Variants in JAK1 observed in about 807,000 individuals in gnomAD.
The protein encoded by JAK1 is Janus kinase 1, also known as tyrosine-protein kinase JAK1.
A neutral mutation model predicts 136.6 loss-of-function variants in JAK1; 16 were observed. The ratio of observed to expected loss-of-function variants is 0.12; its 90% CI spans 0.08 to 0.18. The LOEUF (loss-of-function observed/expected upper bound fraction) is 0.18. Among genes scored for constraint, JAK1 ranks in the 10% least tolerant of loss-of-function variants. The pLI, the probability that JAK1 is intolerant of heterozygous loss-of-function variation, is 1.00. For missense variants in JAK1, 859 were observed against 1,450.1 expected (o/e 0.59, Z 6.62); for synonymous variants, 492 against 519.5 (o/e 0.95, Z 0.72).
chr1:65,030,842 A>G (rs538276245), intron 2 of JAK1, among the ~76,000 whole-genome samples: 4 of 152,096 alleles, frequency 2.6e-5, no homozygotes, highest in Non-Finnish European at 5.9e-5. Flanking sequence ...TCAGTGACCA[A>G]TTGTTTTTTA....
In JAK1 at chr1:64,844,561, G is replaced by C. The variant is rs575095441; in HGVS notation, c.2251+193C>G. ...CATCACCCAGGGCAGGAGGACGAAC[G>C]GGGGCTCGTTCAAGGACTTAAGAGA... On this transcript the variant is annotated intron_variant, in intron 16 of 24. Coordinates refer to ENST00000342505, the MANE Select transcript of JAK1 (RefSeq NM_002227.4). The surrounding 1 kb of genome is among the most constrained non-coding windows in gnomAD (Gnocchi z 5.7). Among the ~76,000 whole-genome samples, 2 of 152,128 alleles carry C rather than the reference G, an allele frequency of 1.3e-5. No individual in the cohort carries two copies. The highest frequency in any genetic ancestry group is 2.9e-5 in the Non-Finnish European group (2 of 68,024).
intron 1 of JAK1, chr1:64,918,673 T>C: frequency 5.3e-6 from 1 of 187,260 alleles, no homozygotes; most frequent in Non-Finnish European, 1.1e-5. Flanking sequence ...AGAAAGATGG[T>C]CCAGATTTCT....
intron 1 of JAK1, among the ~76,000 whole-genome samples, chr1:65,049,011 T>G (rs1021997542): frequency 2.6e-5 from 4 of 152,218 alleles, no homozygotes; most frequent in African/African-American, 9.7e-5. Context: ...CAACGGGATC[T>G]ATTTCTAGAA....
chr1:65,023,949 G>C (rs1031265938), intron 2 of JAK1, among the ~76,000 whole-genome samples: 1 of 136,394 alleles, frequency 7.3e-6, no homozygotes, highest in Non-Finnish European at 1.5e-5. Flanking sequence ...CCAGTGGCTC[G>C]TTCCTTTTAT....
intron 1 of JAK1, among the ~76,000 whole-genome samples, chr1:64,917,121 C>G (rs1256145168): frequency 6.6e-6 from 1 of 151,752 alleles, no homozygotes; most frequent in East Asian, 1.9e-4. Flanking sequence ...ACATTGGAAA[C>G]AAGGGTCTAT....
At chr1:64,881,261 C>G (rs899746852) in intron 3 of JAK1, among the ~76,000 whole-genome samples, 2 of 125,858 alleles carry the variant, frequency 1.6e-5, no homozygotes, top group Non-Finnish European at 3.5e-5. Context: ...GACCCCATCT[C>G]TAAAAAATAT....
chr1:64,935,402 C>T (rs879903586), intron 1 of JAK1, among the ~76,000 whole-genome samples: 3 of 152,152 alleles, frequency 2.0e-5, no homozygotes, highest in South Asian at 4.1e-4. Context: ...CGGGTTCAAG[C>T]GATTCTCCTG....
intron 13 of JAK1, 116 bp downstream of exon 13, chr1:64,847,416 G>T: frequency 1.6e-6 from 2 of 1,270,898 alleles, no homozygotes; most frequent in South Asian, 1.3e-5. Context: ...TGAGTAAAAG[G>T]CAAGTTTGAA....
intron 2 of JAK1, among the ~76,000 whole-genome samples, chr1:64,980,953 T>G (rs1646540079): frequency 6.6e-6 from 1 of 152,218 alleles, no homozygotes; most frequent in African/African-American, 2.4e-5. Context: ...ATGTGCCACA[T>G]TTTCTTAATC....
chr1:64,837,997 G>C lies in JAK1; in HGVS notation c.3075C>G (p.Thr1025=). ...HQVKIGDFGL[T]KAIETDKEYY... ...ACTCCTTATCGGTTTCAATTGCTTT[G>C]GTTAAACCGAAGTCTCCAATTTTCA... The change falls in exon 22 of 25, where the codon ACC becomes ACG. Residue 1025 remains threonine, a synonymous_variant. Coordinates refer to ENST00000342505, the MANE Select transcript of JAK1 (RefSeq NM_002227.4). 1 of 1,614,084 alleles carries C rather than the reference G, an allele frequency of 6.2e-7. No individual in the cohort carries two copies. Among genetic ancestry groups the C allele is most frequent in the Non-Finnish European group, 8.5e-7 (1 of 1,179,980 alleles).
At chr1:64,847,901 C>T (rs549262562) in intron 12 of JAK1, among the ~76,000 whole-genome samples, 82 of 152,244 alleles carry the variant, frequency 5.4e-4, no homozygotes, top group African/African-American at 1.8e-3. Flanking sequence ...CCTCCTACTC[C>T]CTAAACGGCT....
chr1:64,982,417 C>T (rs1319428949), intron 2 of JAK1, among the ~76,000 whole-genome samples: 2 of 152,218 alleles, frequency 1.3e-5, no homozygotes, highest in African/African-American at 4.8e-5. Flanking sequence ...ATTGGCACCA[C>T]CATCCATATT....
chr1:65,032,241 C>T (rs911143862), intron 2 of JAK1, among the ~76,000 whole-genome samples: 1 of 152,218 alleles, frequency 6.6e-6, no homozygotes, highest in East Asian at 1.9e-4. Flanking sequence ...GCTGGGATTA[C>T]AGGCGTGAGC....
intron 2 of JAK1, among the ~76,000 whole-genome samples, chr1:65,044,146 T>G (rs1253382791): frequency 6.6e-6 from 1 of 152,184 alleles, no homozygotes. Context: ...TGTAAACCAC[T>G]GTGCCCAGCC....
At chr1:64,983,001 C>T (rs962607709) in intron 2 of JAK1, among the ~76,000 whole-genome samples, 59 of 152,014 alleles carry the variant, frequency 3.9e-4, no homozygotes, top group Admixed American at 1.9e-3. Flanking sequence ...CATTTTTATT[C>T]GACGCCTCAA....
chr1:64,952,180 G>C (rs1481806353), intron 1 of JAK1, among the ~76,000 whole-genome samples: 2 of 152,176 alleles, frequency 1.3e-5, no homozygotes, highest in Non-Finnish European at 1.5e-5. Context: ...CATCTCAAAA[G>C]CAGGAGTGTG....
intron 1 of JAK1, among the ~76,000 whole-genome samples, chr1:65,045,606 T>C (rs1037911563): frequency 6.6e-6 from 1 of 152,206 alleles, no homozygotes; most frequent in African/African-American, 2.4e-5. Context: ...GCAATGGTGA[T>C]GATGACAGTG....
chr1:64,890,974 T>C (rs1214700834), intron 1 of JAK1, among the ~76,000 whole-genome samples: 1 of 152,158 alleles, frequency 6.6e-6, no homozygotes, highest in Non-Finnish European at 1.5e-5. Context: ...ATGTTCTTGG[T>C]GTAAGTGGGG....
At chr1:65,041,290 C>T (rs1008831626) in intron 2 of JAK1, among the ~76,000 whole-genome samples, 4 of 152,138 alleles carry the variant, frequency 2.6e-5, no homozygotes, top group African/African-American at 9.7e-5. Flanking sequence ...TTCTCATTTC[C>T]CCAGGCTGAA....
Sources: gnomAD v4.1 joint callset for allele counts (sites outside exome capture counted in the v4.1 genomes callset) on GRCh38, gnomAD v4.1.1 for gene constraint, Gnocchi (gnomAD v3.1) non-coding constraint, MANE v1.5 for transcripts, NCBI Gene and HGNC (gene_info 2026-07-23, HGNC 2026-07-21) for gene names.